NKAIN2: variants seen among roughly 807,000 people sequenced by gnomAD.
The protein encoded by NKAIN2 is sodium/potassium transporting ATPase interacting 2.
Under a neutral mutation model 32.6 loss-of-function variants are expected in NKAIN2, and 14 were observed. That is an observed-to-expected ratio of 0.43 (90% CI 0.28 to 0.67). The LOEUF (loss-of-function observed/expected upper bound fraction) is 0.67, where lower values mean the gene tolerates loss of function less well. Ranked by LOEUF, NKAIN2 falls within the 30% of genes least tolerant of loss-of-function variation. NKAIN2 has a pLI of 0.17. For missense variants in NKAIN2, 198 were observed against 258.3 expected (o/e 0.77, Z 1.60); for synonymous variants, 80 against 87.2 (o/e 0.92, Z 0.46).
intron 5 of NKAIN2, among the ~76,000 whole-genome samples, chr6:124,804,717 A>G (rs891927739): frequency 2.0e-5 from 3 of 152,312 alleles, no homozygotes; most frequent in Middle Eastern, 3.4e-3. Context: ...AGCGCAAGGG[A>G]TCAGGGAGTT....
chr6:124,017,114 AG>A (rs1275179974), intron 1 of NKAIN2, among the ~76,000 whole-genome samples: 2 of 152,340 alleles, frequency 1.3e-5, no homozygotes, highest in East Asian at 3.9e-4. Context: ...CGGAAGACAA[AG>A]GAGAAGCAAA....
intron 1 of NKAIN2, among the ~76,000 whole-genome samples, chr6:123,822,781 A>T (rs1773979080): frequency 6.6e-6 from 1 of 152,208 alleles, no homozygotes; most frequent in African/African-American, 2.4e-5. Flanking sequence ...AACTTTGCAC[A>T]AATTATTTCT....
intron 1 of NKAIN2, among the ~76,000 whole-genome samples, chr6:123,823,547 G>T (rs551997197): frequency 2.0e-5 from 3 of 152,124 alleles, no homozygotes; most frequent in African/African-American, 7.2e-5. Flanking sequence ...CGTAGCAAAG[G>T]TGATGGAAAT....
chr6:124,387,025 T>A (rs1772928771), intron 3 of NKAIN2, among the ~76,000 whole-genome samples: 1 of 152,158 alleles, frequency 6.6e-6, no homozygotes, highest in Admixed American at 6.6e-5. Context: ...TCAGAGTAGA[T>A]CCTTTTCATA....
intron 3 of NKAIN2, among the ~76,000 whole-genome samples, chr6:124,369,439 G>C (rs1799659087): frequency 6.6e-6 from 1 of 152,106 alleles, no homozygotes; most frequent in Admixed American, 6.6e-5. Flanking sequence ...GGTCAAGCTT[G>C]TCCAATCCAC....
At chr6:123,963,150 G>T (rs772406757) in intron 1 of NKAIN2, among the ~76,000 whole-genome samples, 2 of 152,080 alleles carry the variant, frequency 1.3e-5, no homozygotes, top group Non-Finnish European at 2.9e-5. Context: ...CCTCATCAGG[G>T]CCTAGGATTT....
At chr6:124,170,934 C>A (rs528622993) in intron 1 of NKAIN2, among the ~76,000 whole-genome samples, 351 of 152,256 alleles carry the variant, frequency 2.3e-3, no homozygotes, top group Non-Finnish European at 4.0e-3. Flanking sequence ...TCAAAGCTTA[C>A]CTTTTCACTC....
At chr6:124,603,748 A>C (rs1479468978) in intron 3 of NKAIN2, among the ~76,000 whole-genome samples, 1 of 151,942 alleles carries the variant, frequency 6.6e-6, no homozygotes, top group Non-Finnish European at 1.5e-5. Context: ...AAAGTGGGAA[A>C]TAGGGCTAAC....
chr6:124,516,395 CAGTTA>C (rs1322565292), intron 3 of NKAIN2, among the ~76,000 whole-genome samples: 8 of 151,756 alleles, frequency 5.3e-5, no homozygotes, highest in African/African-American at 1.7e-4. Context: ...TATTTTTTTT[CAGTTA>C]AAAGAAGAAA....
At chr6:123,875,333 T>C (rs1263667276) in intron 1 of NKAIN2, among the ~76,000 whole-genome samples, 1 of 152,032 alleles carries the variant, frequency 6.6e-6, no homozygotes, top group Non-Finnish European at 1.5e-5. Flanking sequence ...AAAAGTATGA[T>C]ATGCCTTGTT....
chr6:124,335,133 A>G (rs1238592014), intron 2 of NKAIN2, among the ~76,000 whole-genome samples: 2 of 151,206 alleles, frequency 1.3e-5, no homozygotes, highest in Non-Finnish European at 2.9e-5. Flanking sequence ...CAGAAAAAAA[A>G]TATGCACCCA....
intron 3 of NKAIN2, among the ~76,000 whole-genome samples, chr6:124,653,304 G>A (rs1214784329): frequency 2.6e-5 from 4 of 151,986 alleles, no homozygotes; most frequent in Admixed American, 6.6e-5. Context: ...GAGACAAATA[G>A]ATCAATGGAA....
chr6:124,361,254 G>C (rs1419652047), intron 3 of NKAIN2, among the ~76,000 whole-genome samples: 2 of 151,898 alleles, frequency 1.3e-5, no homozygotes, highest in African/African-American at 4.8e-5. Flanking sequence ...TGGTCTTCTG[G>C]ATTGTCCGTA....
intron 4 of NKAIN2, among the ~76,000 whole-genome samples, chr6:124,681,976 G>T (rs1016086797): frequency 6.6e-6 from 1 of 151,908 alleles, no homozygotes; most frequent in Non-Finnish European, 1.5e-5. Context: ...TTACAGGAAA[G>T]GCAAGAGAAG....
At chr6:124,472,451 G>C (rs551145081) in intron 3 of NKAIN2, among the ~76,000 whole-genome samples, 2 of 152,068 alleles carry the variant, frequency 1.3e-5, no homozygotes, top group Non-Finnish European at 2.9e-5. Context: ...ATAGTCATCT[G>C]TACATAAGCC....
At chr6:123,932,147 C>T (rs1016550872) in intron 1 of NKAIN2, among the ~76,000 whole-genome samples, 7 of 152,172 alleles carry the variant, frequency 4.6e-5, no homozygotes, top group African/African-American at 1.7e-4. Context: ...CAAGTACTGG[C>T]TGCTCTTTTC....
At chr6:124,574,822 C>T (rs557239696) in intron 3 of NKAIN2, among the ~76,000 whole-genome samples, 4 of 152,172 alleles carry the variant, frequency 2.6e-5, no homozygotes, top group Non-Finnish European at 5.9e-5. Flanking sequence ...TCCAAGTATA[C>T]AGAATGCCTA....
rs185291029 is a variant in NKAIN2 at position 124,558,619 on chromosome 6, G to A, written c.274-99567G>A. On this transcript the variant is annotated intron_variant, in intron 3 of 6. Coordinates refer to ENST00000368417, the MANE Select transcript of NKAIN2 (RefSeq NM_001040214.3). Reference sequence around the variant, plus strand: ...AGATGCCCTAAGAGTTGGTGGGCAGGAAGGAGAAAGAAACTTTTCTTTGCC... The same window carrying A: ...AGATGCCCTAAGAGTTGGTGGGCAGAAAGGAGAAAGAAACTTTTCTTTGCC... Among the ~76,000 whole-genome samples, 1,515 of 151,946 alleles carry A rather than the reference G, an allele frequency of 1.0e-2. 24 individuals are homozygous for A. Among genetic ancestry groups the A allele is most frequent in the African/African-American group, 0.035 (1,427 of 41,236 alleles).
intron 3 of NKAIN2, among the ~76,000 whole-genome samples, chr6:124,413,562 A>G (rs1418736945): frequency 2.6e-5 from 4 of 152,182 alleles, no homozygotes; most frequent in Non-Finnish European, 5.9e-5. Flanking sequence ...AAATTTCAGA[A>G]TAAAATAGTC....
Sources: gnomAD v4.1 joint callset for allele counts (sites outside exome capture counted in the v4.1 genomes callset) on GRCh38, gnomAD v4.1.1 for gene constraint, MANE v1.5 for transcripts, NCBI Gene and HGNC (gene_info 2026-07-23, HGNC 2026-07-21) for gene names.